MAF: variants seen among roughly 807,000 people sequenced by gnomAD.
The protein encoded by MAF is MAF bZIP transcription factor.
In MAF, 10 loss-of-function variants were observed where a neutral mutation model predicts 22.0. The observed-to-expected ratio is 0.45, with a 90% CI of 0.28 to 0.77. The LOEUF (loss-of-function observed/expected upper bound fraction) is 0.77. MAF is among the 30% of genes least tolerant of loss of function. MAF has a pLI of 0.12. For synonymous variants in MAF, 337 were observed against 255.8 expected, an observed-to-expected ratio of 1.32 and a Z score of -3.03; for missense variants, 544 against 548.4, an observed-to-expected ratio of 0.99 and a Z score of 0.08.
chr16:79,486,669 A>T, the MAF span, among the ~76,000 whole-genome samples: 1 of 152,328 alleles, frequency 6.6e-6, no homozygotes, highest in Middle Eastern at 3.4e-3. Context: ...CTAATTAATA[A>T]TTGGCTTTAT....
At chr16:79,247,869 G>T in the MAF span, among the ~76,000 whole-genome samples, 2 of 152,106 alleles carry the variant, frequency 1.3e-5, no homozygotes, top group Non-Finnish European at 2.9e-5. Context: ...AATTATATTA[G>T]AAAATAGCCA....
the MAF span, among the ~76,000 whole-genome samples, chr16:79,442,083 A>G: frequency 6.6e-6 from 1 of 152,230 alleles, no homozygotes; most frequent in Non-Finnish European, 1.5e-5. Flanking sequence ...GACCCTTCAG[A>G]GGGAAAGTGG....
the MAF span, among the ~76,000 whole-genome samples, chr16:79,504,310 A>T: frequency 5.3e-5 from 8 of 152,176 alleles, no homozygotes; most frequent in Non-Finnish European, 8.8e-5. Flanking sequence ...CCTGACACCA[A>T]CTACCTGTCC....
At chr16:79,428,500 G>C in the MAF span, among the ~76,000 whole-genome samples, 22 of 152,158 alleles carry the variant, frequency 1.4e-4, no homozygotes, top group Non-Finnish European at 3.1e-4. Context: ...GATAGAGAGA[G>C]ACAGAGAGAC....
the MAF span, among the ~76,000 whole-genome samples, chr16:79,240,228 C>G: frequency 0.56 from 84,202 of 151,160 alleles, 24,767 homozygotes; most frequent in Non-Finnish European, 0.66. Context: ...TTGGATCCAG[C>G]AGTCTTATGT....
Position 79,599,241 on chromosome 16 carries a change from G to T in MAF, c.662C>A (p.Pro221Gln). The T allele has an allele frequency of 2.0e-6, 2 of 978,172 alleles. No homozygotes were observed. Among genetic ancestry groups the T allele is most frequent in the Non-Finnish European group, 2.4e-6 (2 of 827,182 alleles). 60.6% of individuals were successfully genotyped at this position (978,172 alleles called of 1,614,324 possible). A position where few individuals can be genotyped will look rare whatever the true frequency, so the allele number is the denominator to read the frequency against. Residue 221 changes from proline to glutamine, a missense_variant, in exon 1 of 2, where the codon CCG (proline) becomes CAG (glutamine). Coordinates refer to ENST00000326043, the MANE Select transcript of MAF (RefSeq NM_005360.5). ...GGAGGAGGGGPASAGGGGGGG... is the reference protein window; with the variant it reads ...GGAGGAGGGGQASAGGGGGGG... ...GCCGCCGCCGCCCCCAGCGCTGGCC[G>T]GGCCACCGCCGCCCGCGCCCCCAGC... is the stretch of plus-strand genomic sequence containing the variant.
the MAF span, among the ~76,000 whole-genome samples, chr16:79,317,179 T>G: frequency 2.1e-5 from 3 of 141,738 alleles, no homozygotes; most frequent in African/African-American, 7.9e-5. Flanking sequence ...CTTCCTTCCT[T>G]GCTTTTCTCC....
chr16:79,554,398 C>T, the MAF span, among the ~76,000 whole-genome samples: 20,630 of 152,040 alleles, frequency 0.14, 1,506 homozygotes, highest in East Asian at 0.27. Context: ...GGTAGAAAAA[C>T]GTGGGCTACA....
the MAF span, among the ~76,000 whole-genome samples, chr16:79,294,846 G>A: frequency 3.5e-4 from 53 of 152,114 alleles, no homozygotes; most frequent in Non-Finnish European, 7.4e-5. Context: ...CAACAGCATG[G>A]CATCAACTCA....
the MAF span, among the ~76,000 whole-genome samples, chr16:79,402,499 G>A: frequency 3.9e-5 from 6 of 152,342 alleles, no homozygotes; most frequent in Admixed American, 6.5e-5. Flanking sequence ...GCGCATTCCT[G>A]GAAAACACTG....
chr16:79,510,342 T>C, the MAF span, among the ~76,000 whole-genome samples: 5 of 152,200 alleles, frequency 3.3e-5, no homozygotes, highest in Admixed American at 3.3e-4. Flanking sequence ...GAGAATCCTC[T>C]GATTGTAAAG....
the MAF span, among the ~76,000 whole-genome samples, chr16:79,495,361 G>T: frequency 6.6e-6 from 1 of 152,234 alleles, no homozygotes; most frequent in Non-Finnish European, 1.5e-5. Context: ...TACTCAGGAA[G>T]CTGAGGTAGG....
the MAF span, among the ~76,000 whole-genome samples, chr16:79,561,171 G>C: frequency 6.6e-6 from 1 of 152,102 alleles, no homozygotes; most frequent in Non-Finnish European, 1.5e-5. Flanking sequence ...TCTTCCACAT[G>C]ATGCCCCTTA....
intron 1 of MAF, chr16:79,597,884 A>G: frequency 9.6e-7 from 1 of 1,036,384 alleles, no homozygotes. Flanking sequence ...CAAAGTAGCA[A>G]GCATAATAAT....
chr16:79,596,951 T>C (rs1298075784), intron 1 of MAF: 1 of 1,050,292 alleles, frequency 9.5e-7, no homozygotes, highest in Non-Finnish European at 1.1e-6. Context: ...ATACTTTAAT[T>C]TTGAAAAGAA....
the MAF span, among the ~76,000 whole-genome samples, chr16:79,396,697 T>G: frequency 6.6e-6 from 1 of 152,224 alleles, no homozygotes. Context: ...TCCAACTTGC[T>G]GCACACTGGA....
the MAF span, among the ~76,000 whole-genome samples, chr16:79,406,154 T>C: frequency 6.7e-6 from 1 of 149,360 alleles, no homozygotes; most frequent in Non-Finnish European, 1.5e-5. Flanking sequence ...CCATGGCCTT[T>C]GGCTGTTCCC....
the MAF span, among the ~76,000 whole-genome samples, chr16:79,474,163 T>C: frequency 0.016 from 2,408 of 152,166 alleles, 56 homozygotes; most frequent in African/African-American, 0.055. Flanking sequence ...CTAGAATTAT[T>C]TGTGGTCTTT....
At chr16:79,295,488 A>G in the MAF span, among the ~76,000 whole-genome samples, 1 of 152,220 alleles carries the variant, frequency 6.6e-6, no homozygotes, top group Non-Finnish European at 1.5e-5. Flanking sequence ...CAGTTGGCAC[A>G]TTTGGTTGGC....
Sources: allele counts gnomAD v4.1 joint callset (sites outside exome capture counted in the v4.1 genomes callset), GRCh38; gene constraint gnomAD v4.1.1; transcripts MANE v1.5; gene names NCBI Gene and HGNC (gene_info 2026-07-23, HGNC 2026-07-21).